Variants in FOXO1 observed in about 807,000 individuals in gnomAD.
FOXO1 encodes the protein forkhead box protein O1.
Under a neutral mutation model 44.1 loss-of-function variants are expected in FOXO1, and 6 were observed. That is an observed-to-expected ratio of 0.14 (90% CI 0.07 to 0.27). The LOEUF (loss-of-function observed/expected upper bound fraction) is 0.27. Ranked by LOEUF, FOXO1 falls within the 10% of genes least tolerant of loss-of-function variation. The pLI, the probability that FOXO1 is intolerant of heterozygous loss-of-function variation, is 1.00. For missense variants in FOXO1, 737 were observed against 888.8 expected, an observed-to-expected ratio of 0.83 and a Z score of 2.17; for synonymous variants, 380 against 362.7, an observed-to-expected ratio of 1.05 and a Z score of -0.54.
intron 1 of FOXO1, among the ~76,000 whole-genome samples, chr13:40,624,080 G>C (rs1319241636): frequency 6.6e-6 from 1 of 151,578 alleles, no homozygotes; most frequent in Non-Finnish European, 1.5e-5. Flanking sequence ...CTTCAGCCTG[G>C]GTGACAGCAT....
At position 40,560,160 on chromosome 13, in the gene FOXO1, T is replaced by C. The variant is rs557678402; in HGVS notation, c.1331A>G (p.Asp444Gly). 6.2e-7 allele frequency: 1 copy of C among 1,614,184 alleles called. No homozygotes were observed. Among genetic ancestry groups the C allele is most frequent in the African/African-American group, 1.3e-5 (1 of 75,042 alleles). Residue 444 changes from aspartate to glycine, a missense_variant, in exon 2 of 3, where the codon GAC becomes GGC. Physicochemically the swap from Asp to Gly is moderately conservative, Grantham distance 94 (BLOSUM62 -1). Coordinates refer to ENST00000379561, the MANE Select transcript of FOXO1 (RefSeq NM_002015.4). This position sits in a 1 kb window ranked among gnomAD's most constrained non-coding sequence, Gnocchi z 5.1. ...CATACCTCCATAACTCGACTTATTG[T>C]CCTGAAGTGTTTGTATAGGCATCTG... ...LPQMPIQTLQ[D>G]NKSSYGGMSQ...
chr13:40,647,573 T>G (rs966567424), intron 1 of FOXO1, among the ~76,000 whole-genome samples: 1 of 152,078 alleles, frequency 6.6e-6, no homozygotes, highest in African/African-American at 2.4e-5. Flanking sequence ...TCTGGCTAGT[T>G]TTTGTATTTT....
intron 1 of FOXO1, among the ~76,000 whole-genome samples, chr13:40,612,902 T>C (rs1049999247): frequency 6.6e-6 from 1 of 152,172 alleles, no homozygotes; most frequent in Non-Finnish European, 1.5e-5. Flanking sequence ...CCTGGAACTA[T>C]CTCCCTCCTA....
intron 1 of FOXO1, among the ~76,000 whole-genome samples, chr13:40,572,063 C>A (rs1401417162): frequency 6.6e-6 from 1 of 152,186 alleles, no homozygotes; most frequent in Non-Finnish European, 1.5e-5. Flanking sequence ...TAATCCTGTT[C>A]ATGCTAGGTA....
At chr13:40,592,309 T>C (rs1431312367) in intron 1 of FOXO1, among the ~76,000 whole-genome samples, 1 of 152,174 alleles carries the variant, frequency 6.6e-6, no homozygotes, top group Non-Finnish European at 1.5e-5. Flanking sequence ...AAAAACAACT[T>C]CATCAAAACT....
chr13:40,665,540 C>A lies in FOXO1; in HGVS notation c.630+43G>T, dbSNP rs753472006. Reference sequence around the variant, plus strand: ...CTGCACAGCTGCGCCCTCGCCTGACCCACCGCGCCCCCAAGGTCCGGCCGC... The same window carrying A: ...CTGCACAGCTGCGCCCTCGCCTGACACACCGCGCCCCCAAGGTCCGGCCGC... On this transcript the variant is annotated intron_variant, in intron 1 of 2. Coordinates refer to ENST00000379561, the MANE Select transcript of FOXO1 (RefSeq NM_002015.4). 22 of 1,344,048 alleles carry A rather than the reference C, an allele frequency of 1.6e-5. No individual in the cohort carries two copies. In the Admixed American group the frequency reaches 4.9e-4, roughly 30 times the overall value. The allele number at this position is 1,344,048 out of a possible 1,614,324, so 83.3% of individuals were successfully genotyped here.
chr13:40,641,969 C>T (rs888111519), intron 1 of FOXO1, among the ~76,000 whole-genome samples: 1 of 152,026 alleles, frequency 6.6e-6, no homozygotes, highest in Non-Finnish European at 1.5e-5. Flanking sequence ...CTGGGAGACA[C>T]AGCAATACTC....
intron 1 of FOXO1, among the ~76,000 whole-genome samples, chr13:40,615,080 T>C (rs73465296): frequency 6.6e-6 from 1 of 152,124 alleles, no homozygotes; most frequent in Non-Finnish European, 1.5e-5. Context: ...GTAGATAAAA[T>C]GCACATTCAT....
At chr13:40,582,112 AT>A (rs1874977798) in intron 1 of FOXO1, among the ~76,000 whole-genome samples, 1 of 152,262 alleles carries the variant, frequency 6.6e-6, no homozygotes, top group African/African-American at 2.4e-5. Context: ...CACTTCCAGA[AT>A]ACCACAATAA....
chr13:40,639,812 T>C (rs1166461347), intron 1 of FOXO1, among the ~76,000 whole-genome samples: 5 of 152,236 alleles, frequency 3.3e-5, no homozygotes, highest in Non-Finnish European at 5.9e-5. Flanking sequence ...AATTTAGACC[T>C]AATTAGAAGT....
chr13:40,651,098 GTTT>G (rs67417437), intron 1 of FOXO1, among the ~76,000 whole-genome samples: 1 of 149,164 alleles, frequency 6.7e-6, no homozygotes, highest in Non-Finnish European at 1.5e-5. Flanking sequence ...TTTGTTTTTT[GTTT>G]TTTGTTTTTG....
rs144367031 is a variant in FOXO1, at chr13:40,577,260, G to A, written c.631-16400C>T. On this transcript the variant is annotated intron_variant, in intron 1 of 2. Transcript: ENST00000379561. ...TCTTGAAAACTTTTAAAAGGTTGATGAGCACTCCCCACAACAGAATTCGAT... is the reference window on the plus strand; with the variant it reads ...TCTTGAAAACTTTTAAAAGGTTGATAAGCACTCCCCACAACAGAATTCGAT... Among the ~76,000 whole-genome samples, 663 of 149,716 alleles carry A rather than the reference G, an allele frequency of 4.4e-3. 5 individuals are homozygous for A. The highest frequency in any genetic ancestry group is 0.014 in the African/African-American group (572 of 40,694).
At chr13:40,585,400 A>C (rs1433260952) in intron 1 of FOXO1, among the ~76,000 whole-genome samples, 1 of 151,750 alleles carries the variant, frequency 6.6e-6, no homozygotes. Flanking sequence ...AGTTTTGAAA[A>C]GATTACTGCT....
At chr13:40,617,135 T>G (rs945761604) in intron 1 of FOXO1, among the ~76,000 whole-genome samples, 1 of 152,202 alleles carries the variant, frequency 6.6e-6, no homozygotes, top group African/African-American at 2.4e-5. Context: ...TAGGGAACAA[T>G]CTATCCTTGA....
chr13:40,652,971 CT>C (rs111777637), intron 1 of FOXO1, among the ~76,000 whole-genome samples: 74 of 148,074 alleles, frequency 5.0e-4, no homozygotes, highest in African/African-American at 1.4e-3. Context: ...GTGCATTTCT[CT>C]TTTTTTTTTT....
chr13:40,645,698 AAAG>A (rs1299819430), intron 1 of FOXO1, among the ~76,000 whole-genome samples: 1 of 152,242 alleles, frequency 6.6e-6, no homozygotes, highest in Admixed American at 6.5e-5. Flanking sequence ...GAAGGAAAGC[AAAG>A]AAGAGATGAA....
intron 1 of FOXO1, among the ~76,000 whole-genome samples, chr13:40,609,396 C>A (rs1052759354): frequency 5.9e-5 from 9 of 152,066 alleles, no homozygotes; most frequent in African/African-American, 1.9e-4. Context: ...TCAGTCTACA[C>A]TGTATTAATA....
chr13:40,643,944 A>G (rs781557770), intron 1 of FOXO1, among the ~76,000 whole-genome samples: 1 of 152,336 alleles, frequency 6.6e-6, no homozygotes, highest in South Asian at 2.1e-4. Flanking sequence ...TGACTTGTCT[A>G]AATAGGAATT....
intron 1 of FOXO1, among the ~76,000 whole-genome samples, chr13:40,568,834 C>T (rs1028320672): frequency 1.3e-5 from 2 of 150,806 alleles, no homozygotes; most frequent in South Asian, 2.1e-4. Context: ...CTGGTAAAAC[C>T]GGAAGGTACT....
Sources: gnomAD v4.1 joint callset for allele counts (sites outside exome capture counted in the v4.1 genomes callset) on GRCh38, gnomAD v4.1.1 for gene constraint, Gnocchi (gnomAD v3.1) non-coding constraint, MANE v1.5 for transcripts, NCBI Gene and HGNC (gene_info 2026-07-23, HGNC 2026-07-21) for gene names.